NPHP1: variants seen among roughly 807,000 people sequenced by gnomAD.
NPHP1 encodes the protein nephrocystin-1.
Under a neutral mutation model 90.4 loss-of-function variants are expected in NPHP1, and 70 were observed. The ratio of observed to expected loss-of-function variants is 0.77; its 90% CI spans 0.64 to 0.95. NPHP1 has a LOEUF of 0.95. Ranked by LOEUF, NPHP1 falls within the 40% of genes least tolerant of loss-of-function variation. The pLI, the probability that NPHP1 is intolerant of heterozygous loss-of-function variation, is 0.00. For synonymous variants in NPHP1, 256 were observed against 271.7 expected, an observed-to-expected ratio of 0.94 and a Z score of 0.57; for missense variants, 764 against 795.9, an observed-to-expected ratio of 0.96 and a Z score of 0.48.
intron 17 of NPHP1, among the ~76,000 whole-genome samples, chr2:110,129,921 A>G (rs1421034875): frequency 6.6e-6 from 1 of 152,196 alleles, no homozygotes; most frequent in African/African-American, 2.4e-5. Context: ...AATACCTGAG[A>G]CTGGGTAACA....
intron 8 of NPHP1, 113 bp from the exon 9 acceptor site, chr2:110,163,248 C>G: frequency 1.3e-6 from 1 of 775,114 alleles, no homozygotes; most frequent in Non-Finnish European, 2.2e-6. Context: ...AACATACAGA[C>G]TTTAGTGGAA....
chr2:110,143,909 C>A (rs965470526), intron 15 of NPHP1: 3 of 421,040 alleles, frequency 7.1e-6, no homozygotes, highest in African/African-American at 6.1e-5. Flanking sequence ...GCATCCCAGA[C>A]CCCAAACTCC....
intron 11 of NPHP1, among the ~76,000 whole-genome samples, chr2:110,152,600 A>G (rs1377238018): frequency 4.8e-4 from 19 of 39,380 alleles, no homozygotes; most frequent in Non-Finnish European, 2.2e-4. Flanking sequence ...CAGTAGGGTT[A>G]AAAAAAAAAA....
At chr2:110,154,787 G>A (rs1202275492) in intron 11 of NPHP1, among the ~76,000 whole-genome samples, 1 of 152,108 alleles carries the variant, frequency 6.6e-6, no homozygotes, top group Non-Finnish European at 1.5e-5. Context: ...CTTGGGTGCT[G>A]TTAAAGGCAT....
At chr2:110,189,260 G>A (rs543865102) in intron 2 of NPHP1, among the ~76,000 whole-genome samples, 23 of 152,286 alleles carry the variant, frequency 1.5e-4, no homozygotes, top group African/African-American at 5.1e-4. Context: ...GACCCTCGCA[G>A]TGAGTGTTAT....
At position 110,124,019 on chromosome 2, in the gene NPHP1, A is replaced by G; in HGVS notation, c.1806T>C (p.His602=). ...FLKSTFLLVY[H]DCVLPLLHST... ...AGTGGAGAAGTGGGAGCACGCAGTC[A>G]TGGTAAACCAGGAGAAACGTGGACT... is the stretch of plus-strand genomic sequence containing the variant. Residue 602 remains histidine (H), a synonymous_variant, in exon 20 of 20, where the codon CAT becomes CAC. Coordinates refer to ENST00000445609, the MANE Select transcript of NPHP1 (RefSeq NM_001128178.3). 1 of 1,614,140 alleles carries G rather than the reference A, an allele frequency of 6.2e-7. No individual in the cohort carries two copies. Among genetic ancestry groups the G allele is most frequent in the Non-Finnish European group, 8.5e-7 (1 of 1,179,980 alleles).
intron 2 of NPHP1, among the ~76,000 whole-genome samples, chr2:110,192,762 C>G (rs368643055): frequency 2.0e-5 from 3 of 152,072 alleles, no homozygotes; most frequent in Non-Finnish European, 4.4e-5. Context: ...AGAGAGAAAG[C>G]TCGGGTTACC....
At chr2:110,136,706 C>A (rs1326304108) in intron 16 of NPHP1, among the ~76,000 whole-genome samples, 2 of 152,108 alleles carry the variant, frequency 1.3e-5, no homozygotes, top group Non-Finnish European at 2.9e-5. Flanking sequence ...ATTCCATGCT[C>A]ATGGACAGGA....
Position 110,131,755 on chromosome 2 carries a change from A to C in NPHP1, c.1566T>G (p.Ser522=). The C allele has an allele frequency of 6.2e-7, 1 of 1,612,018 alleles. No homozygotes were observed. Among genetic ancestry groups the C allele is most frequent in the Non-Finnish European group, 8.5e-7 (1 of 1,178,126 alleles). The change falls in exon 17 of 20, where the codon TCT becomes TCG. Residue 522 remains serine (S), a synonymous_variant. Coordinates refer to ENST00000445609, the MANE Select transcript of NPHP1 (RefSeq NM_001128178.3). ...GTCGATAAAATATCAACAAGTGAATAGAACACATATTTCCAATTAATGTTT... is the reference window on the plus strand; with the variant it reads ...GTCGATAAAATATCAACAAGTGAATCGAACACATATTTCCAATTAATGTTT... ...LPETLIGNMC[S]IHLLIFYRQI...
intron 18 of NPHP1, 61 bp downstream of exon 18, chr2:110,129,123 AAC>A: frequency 7.9e-7 from 1 of 1,262,082 alleles, no homozygotes; most frequent in Non-Finnish European, 1.2e-6. Flanking sequence ...AGAACTCATT[AAC>A]ACAGAGTGTA....
intron 12 of NPHP1, among the ~76,000 whole-genome samples, chr2:110,148,650 AT>A (rs1184916069): frequency 1.3e-5 from 2 of 152,092 alleles, no homozygotes; most frequent in Admixed American, 6.5e-5. Flanking sequence ...ACCTTTGCTT[AT>A]TTTTTGCTTA....
At position 110,161,615 on chromosome 2, in the gene NPHP1, A is replaced by C. The variant is rs1469704019; in HGVS notation, c.942T>G (p.Ala314=). ...TAACTATACTTACAGTGCCTTCTGT[A>C]GCATCCCACATCAGATCTCTGAAGG... ...QLAFRDLMWD[A]TEGTIRSRPS... Residue 314 remains alanine, a synonymous_variant, in exon 10 of 20, where the codon GCT becomes GCG. Coordinates refer to ENST00000445609, the MANE Select transcript of NPHP1 (RefSeq NM_001128178.3). 2 of 1,606,732 alleles carry C rather than the reference A, an allele frequency of 1.2e-6. No homozygotes were observed. Among genetic ancestry groups the C allele is most frequent in the Non-Finnish European group, 1.7e-6 (2 of 1,173,632 alleles).
At chr2:110,125,387 C>G in intron 19 of NPHP1, 4 of 1,437,392 alleles carry the variant, frequency 2.8e-6, no homozygotes, top group Non-Finnish European at 3.7e-6. Context: ...GGCTTAGAAA[C>G]TTCCCCTTTA....
chr2:110,196,890 A>C (rs1196155702), intron 2 of NPHP1, among the ~76,000 whole-genome samples: 1 of 152,186 alleles, frequency 6.6e-6, no homozygotes, highest in African/African-American at 2.4e-5. Flanking sequence ...CATACTGAGC[A>C]AATTATCACA....
chr2:110,200,850 A>G (rs1685531626), intron 2 of NPHP1, among the ~76,000 whole-genome samples: 2 of 152,164 alleles, frequency 1.3e-5, no homozygotes, highest in African/African-American at 4.8e-5. Context: ...TCTCCAAACA[A>G]TTACAATTCA....
intron 2 of NPHP1, among the ~76,000 whole-genome samples, chr2:110,181,077 A>G (rs1229092393): frequency 1.3e-5 from 2 of 152,174 alleles, no homozygotes; most frequent in East Asian, 3.9e-4. Flanking sequence ...GCAACTCACA[A>G]GTTAAGACCC....
chr2:110,140,638 T>G (rs1390817924), intron 16 of NPHP1, among the ~76,000 whole-genome samples: 1 of 151,620 alleles, frequency 6.6e-6, no homozygotes, highest in East Asian at 1.9e-4. Flanking sequence ...AGATGAGGAG[T>G]GGGGAGGCCA....
chr2:110,165,751 A>G (rs1035675611), intron 6 of NPHP1, among the ~76,000 whole-genome samples: 2 of 152,116 alleles, frequency 1.3e-5, no homozygotes, highest in Admixed American at 1.3e-4. Context: ...AAAAGCTCTT[A>G]GAAATCAATG....
intron 1 of NPHP1, among the ~76,000 whole-genome samples, chr2:110,203,395 C>A (rs1685702314): frequency 6.6e-6 from 1 of 152,062 alleles, no homozygotes; most frequent in Non-Finnish European, 1.5e-5. Context: ...TGCACATGTA[C>A]CCCCTGAATC....
Sources: allele counts gnomAD v4.1 joint callset (sites outside exome capture counted in the v4.1 genomes callset), GRCh38; gene constraint gnomAD v4.1.1; transcripts MANE v1.5; gene names NCBI Gene and HGNC (gene_info 2026-07-23, HGNC 2026-07-21).